PTCD3: variants seen among roughly 807,000 people sequenced by gnomAD.
The protein encoded by PTCD3 is small ribosomal subunit protein mS39.
PTCD3 carries 89 observed loss-of-function variants against 101.9 expected under a neutral mutation model. That is an observed-to-expected ratio of 0.87 (90% CI 0.74 to 1.04). The LOEUF (loss-of-function observed/expected upper bound fraction) is 1.04. Among genes scored for constraint, PTCD3 ranks in the 50% least tolerant of loss-of-function variants. The probability of loss-of-function intolerance (pLI) is 0.00; values close to 1 mark genes in which losing one functional copy is unlikely to be tolerated. For missense variants in PTCD3, 870 were observed against 828.2 expected (o/e 1.05, Z -0.62); for synonymous variants, 296 against 278.5 (o/e 1.06, Z -0.63).
intron 17 of PTCD3, 186 bp from the exon 18 acceptor site, chr2:86,132,991 AG>A: frequency 2.6e-6 from 2 of 784,026 alleles, no homozygotes; most frequent in Non-Finnish European, 3.9e-6. Flanking sequence ...AGTTGAGGGT[AG>A]GGTGTTTAAT....
chr2:86,113,121 A>G (rs1279398460), intron 4 of PTCD3, among the ~76,000 whole-genome samples: 2 of 152,224 alleles, frequency 1.3e-5, no homozygotes, highest in African/African-American at 4.8e-5. Flanking sequence ...TCAAGGTTGC[A>G]GTGGAATTAT....
chr2:86,116,580 A>G lies in PTCD3; in HGVS notation c.291A>G (p.Pro97=), dbSNP rs2104450907. The G allele has an allele frequency of 6.2e-7, 1 of 1,609,718 alleles. No individual in the cohort carries two copies. Among genetic ancestry groups the G allele is most frequent in the Non-Finnish European group, 8.5e-7 (1 of 1,175,988 alleles). The change falls in exon 5 of 24, where the codon CCA becomes CCG. Residue 97 remains proline, a synonymous_variant. Transcript: ENST00000254630. ...TTCAAGATGATCCTTACCTTATGCC[A>G]GCATCATCTTTGGAATCTGTGAGTA... is the stretch of plus-strand genomic sequence containing the variant. ...YVFQDDPYLM[P]ASSLESRSFL... is the part of the protein sequence containing the mutation.
intron 7 of PTCD3, among the ~76,000 whole-genome samples, chr2:86,121,139 A>G (rs1330421148): frequency 6.6e-6 from 1 of 152,168 alleles, no homozygotes; most frequent in Non-Finnish European, 1.5e-5. Flanking sequence ...GGCTGGGGGA[A>G]CTAAGTGGGG....
intron 4 of PTCD3, among the ~76,000 whole-genome samples, chr2:86,113,663 T>G (rs1335217110): frequency 1.3e-5 from 2 of 151,932 alleles, no homozygotes; most frequent in African/African-American, 4.8e-5. Context: ...AAAAATTAGC[T>G]GAGCGTGGTA....
intron 5 of PTCD3, 112 bp from the exon 6 acceptor site, chr2:86,116,943 G>A (rs7558823): frequency 0.016 from 9,884 of 634,150 alleles, 122 homozygotes; most frequent in Non-Finnish European, 0.019. Context: ...GGGATTCTGC[G>A]TGTTGTTGCA....
At chr2:86,121,781 C>T (rs751131514) in intron 8 of PTCD3, among the ~76,000 whole-genome samples, 187 bp downstream of exon 8, 2 of 152,138 alleles carry the variant, frequency 1.3e-5, no homozygotes, top group Non-Finnish European at 2.9e-5. Flanking sequence ...TTACTTCTGT[C>T]CTAGTTTACT....
chr2:86,134,441 C>G (rs1017578510), intron 20 of PTCD3, 64 bp downstream of exon 20: 36 of 1,362,398 alleles, frequency 2.6e-5, no homozygotes, highest in Non-Finnish European at 3.7e-5. Flanking sequence ...GGCTAGCTTC[C>G]CTGGTTTTAT....
intron 14 of PTCD3, among the ~76,000 whole-genome samples, chr2:86,130,192 C>A (rs544784835): frequency 6.6e-6 from 1 of 151,928 alleles, no homozygotes; most frequent in Non-Finnish European, 1.5e-5. Flanking sequence ...CCCAGCTGCT[C>A]GGAAGGCTGA....
intron 13 of PTCD3, 136 bp downstream of exon 13, chr2:86,127,441 A>G: frequency 3.0e-6 from 3 of 994,892 alleles, no homozygotes; most frequent in South Asian, 3.4e-5. Flanking sequence ...TGTTTGGCAC[A>G]TTTACTTACA....
intron 4 of PTCD3, among the ~76,000 whole-genome samples, chr2:86,112,251 T>C (rs1376516714): frequency 5.3e-5 from 8 of 151,104 alleles, no homozygotes; most frequent in Non-Finnish European, 1.2e-4. Flanking sequence ...AGAGACGGGG[T>C]TTCGCTGTGC....
chr2:86,113,925 T>G (rs1674132978), intron 4 of PTCD3, among the ~76,000 whole-genome samples: 1 of 152,204 alleles, frequency 6.6e-6, no homozygotes, highest in Admixed American at 6.5e-5. Context: ...ATCTCCCTAC[T>G]TGCAAAGCAT....
chr2:86,107,983 G>A (rs1200289135), intron 1 of PTCD3, among the ~76,000 whole-genome samples: 1 of 152,182 alleles, frequency 6.6e-6, no homozygotes, highest in African/African-American at 2.4e-5. Context: ...TTGTCTAGCC[G>A]GGCATGGTGG....
chr2:86,114,525 A>G (rs1674147193), intron 4 of PTCD3, among the ~76,000 whole-genome samples: 1 of 152,166 alleles, frequency 6.6e-6, no homozygotes, highest in Admixed American at 6.5e-5. Flanking sequence ...AATTCTAAGC[A>G]GACATTTTAG....
intron 8 of PTCD3, among the ~76,000 whole-genome samples, chr2:86,122,037 C>T (rs573952373): frequency 4.7e-4 from 71 of 152,202 alleles, no homozygotes; most frequent in African/African-American, 1.6e-3. Context: ...TCTCGACTCG[C>T]GAATTTTACT....
Position 86,125,026 on chromosome 2 carries a change from C to G in PTCD3, c.748C>G (p.Leu250Val). 8 of 1,614,088 alleles carry G rather than the reference C, an allele frequency of 5.0e-6. No individual in the cohort carries two copies. The highest frequency in any genetic ancestry group is 6.8e-6 in the Non-Finnish European group (8 of 1,180,020). The change falls in exon 10 of 24, where the codon CTA becomes GTA. Residue 250 changes from leucine to valine, a missense_variant. Transcript: ENST00000254630. ...AKNNAERIFS[L>V]MPEKNEHSYC... ...AAACAACGCTGAGAGAATCTTTTCT[C>G]TAATGCCAGAGAAAAATGAACATTC...
rs1674615054 is a variant in PTCD3, at chr2:86,137,749, C to A, written c.*190C>A. 3 of 713,214 alleles carry A rather than the reference C, an allele frequency of 4.2e-6. No individual in the cohort carries two copies. Among genetic ancestry groups the A allele is most frequent in the Admixed American group, 5.5e-5 (2 of 36,112 alleles). The allele number at this position is 713,214 out of a possible 1,614,324, so 44.2% of individuals were successfully genotyped here. On this transcript the variant is annotated 3_prime_UTR_variant, in exon 24 of 24. Transcript: ENST00000254630. ...TTAAGCTGCTAATATGCTACTTAAC[C>A]ATCTATTAATGCACCATTAAAGGCT...
At chr2:86,136,635 T>C in intron 22 of PTCD3, 73 bp downstream of exon 22, 1 of 1,508,320 alleles carries the variant, frequency 6.6e-7, no homozygotes, top group South Asian at 1.1e-5. Flanking sequence ...TTCACCAGCC[T>C]TAGCCACCAC....
chr2:86,118,239 C>T (rs1489768708), intron 6 of PTCD3, among the ~76,000 whole-genome samples: 1 of 152,158 alleles, frequency 6.6e-6, no homozygotes, highest in African/African-American at 2.4e-5. Flanking sequence ...GTATTTCCAG[C>T]TCCCTCTTTG....
chr2:86,135,170 A>G (rs1674564701), intron 21 of PTCD3, 183 bp downstream of exon 21: 1 of 552,388 alleles, frequency 1.8e-6, no homozygotes, highest in South Asian at 3.8e-5. Flanking sequence ...AGTTGAGATA[A>G]GGCATAGTTC....
Sources: allele counts gnomAD v4.1 joint callset (sites outside exome capture counted in the v4.1 genomes callset), GRCh38; gene constraint gnomAD v4.1.1; transcripts MANE v1.5; gene names NCBI Gene and HGNC (gene_info 2026-07-23, HGNC 2026-07-21).